BRD10: variants seen among roughly 807,000 people sequenced by gnomAD.
BRD10 encodes the protein uncharacterized bromodomain-containing protein 10.
the BRD10 span, among the ~76,000 whole-genome samples, chr9:5,941,090 G>C: frequency 2.0e-5 from 3 of 151,754 alleles, no homozygotes; most frequent in South Asian, 2.1e-4. Context: ...GAACATAAAG[G>C]GCATTAAACA....
the BRD10 span, among the ~76,000 whole-genome samples, chr9:6,003,301 C>T: frequency 6.6e-6 from 1 of 152,170 alleles, no homozygotes; most frequent in Non-Finnish European, 1.5e-5. Context: ...TGGCAATATT[C>T]TTAAAGTTTT....
the BRD10 span, among the ~76,000 whole-genome samples, chr9:5,953,767 C>A: frequency 6.6e-6 from 1 of 151,278 alleles, no homozygotes; most frequent in African/African-American, 2.4e-5. Flanking sequence ...AGGAAATGTA[C>A]TAGTAGAGAT....
chr9:5,957,376 A>G, the BRD10 span, among the ~76,000 whole-genome samples: 4 of 152,166 alleles, frequency 2.6e-5, no homozygotes, highest in African/African-American at 9.7e-5. Flanking sequence ...GTTACCATTT[A>G]TTGATTCCTA....
At chr9:6,005,972 G>C in the BRD10 span, among the ~76,000 whole-genome samples, 2 of 152,144 alleles carry the variant, frequency 1.3e-5, no homozygotes, top group Admixed American at 1.3e-4. Flanking sequence ...AAAAATCACC[G>C]TTAGTCTTGA....
the BRD10 span, among the ~76,000 whole-genome samples, chr9:5,993,558 C>G: frequency 1.3e-5 from 2 of 152,110 alleles, no homozygotes; most frequent in African/African-American, 4.8e-5. Context: ...AACTATTTTA[C>G]CACTCTAAGC....
the BRD10 span, among the ~76,000 whole-genome samples, chr9:5,896,225 G>A: frequency 6.6e-6 from 1 of 152,200 alleles, no homozygotes; most frequent in Non-Finnish European, 1.5e-5. Flanking sequence ...TCCTAACTCC[G>A]AGGACTGTGG....
chr9:5,948,088 T>C, the BRD10 span, among the ~76,000 whole-genome samples: 1 of 152,178 alleles, frequency 6.6e-6, no homozygotes, highest in African/African-American at 2.4e-5. Flanking sequence ...CTCCCTCAAG[T>C]TAACCTTTCA....
the BRD10 span, among the ~76,000 whole-genome samples, chr9:5,926,466 C>A: frequency 6.6e-6 from 1 of 152,176 alleles, no homozygotes; most frequent in African/African-American, 2.4e-5. Context: ...CACCACCATA[C>A]CTGGCTAATG....
At chr9:5,908,685 T>C in the BRD10 span, 1 of 1,614,134 alleles carries the variant, frequency 6.2e-7, no homozygotes, top group East Asian at 2.2e-5. Context: ...TGCAGAACAG[T>C]CACCACCACC....
chr9:5,883,079 A>C, the BRD10 span, among the ~76,000 whole-genome samples: 4 of 152,154 alleles, frequency 2.6e-5, no homozygotes, highest in African/African-American at 9.7e-5. Context: ...TAATGGGTGC[A>C]GCACACCAAC....
chr9:5,901,127 G>A, the BRD10 span, among the ~76,000 whole-genome samples: 1 of 151,618 alleles, frequency 6.6e-6, no homozygotes, highest in African/African-American at 2.4e-5. Flanking sequence ...GTGAGTGAGA[G>A]GCTTAAAAAA....
At chr9:5,991,451 A>G in the BRD10 span, among the ~76,000 whole-genome samples, 1 of 152,138 alleles carries the variant, frequency 6.6e-6, no homozygotes, top group Admixed American at 6.6e-5. Context: ...GGCCGCGTGC[A>G]GTCACTCACG....
the BRD10 span, chr9:5,919,570 AC>A: frequency 1.2e-6 from 1 of 865,036 alleles, no homozygotes; most frequent in Non-Finnish European, 1.8e-6. Context: ...ACACACACAC[AC>A]ACACACACAC....
chr9:5,895,685 A>G, the BRD10 span, among the ~76,000 whole-genome samples: 1 of 152,336 alleles, frequency 6.6e-6, no homozygotes, highest in South Asian at 2.1e-4. Flanking sequence ...GCCACCTAAG[A>G]GGCTGATTGG....
chr9:5,924,736 A>G, the BRD10 span: 1 of 1,606,660 alleles, frequency 6.2e-7, no homozygotes, highest in South Asian at 1.1e-5. Context: ...CCCTTAGGAG[A>G]GTCTTTTCCA....
chr9:5,981,244 C>A, the BRD10 span, among the ~76,000 whole-genome samples: 5 of 152,212 alleles, frequency 3.3e-5, no homozygotes, highest in Admixed American at 1.3e-4. Flanking sequence ...CCCTGGCTCT[C>A]TCCTCATGAG....
the BRD10 span, chr9:5,933,858 A>G: frequency 3.9e-4 from 183 of 470,634 alleles, 2 homozygotes; most frequent in East Asian, 0.012. Context: ...TTGGCAATCT[A>G]CTGATGCTGG....
At chr9:5,951,432 T>G in the BRD10 span, among the ~76,000 whole-genome samples, 3 of 152,132 alleles carry the variant, frequency 2.0e-5, no homozygotes, top group African/African-American at 4.8e-5. Flanking sequence ...GGTCAGGTTT[T>G]ACAAAAGGGA....
chr9:5,980,485 AGCATATACT>A, the BRD10 span, among the ~76,000 whole-genome samples: 4 of 152,366 alleles, frequency 2.6e-5, no homozygotes, highest in East Asian at 7.7e-4. Context: ...TTATTTTGAT[AGCATATACT>A]GCACAAGGAA....
Sources: allele counts gnomAD v4.1 joint callset (sites outside exome capture counted in the v4.1 genomes callset), GRCh38; gene constraint gnomAD v4.1.1; transcripts MANE v1.5; gene names NCBI Gene and HGNC (gene_info 2026-07-23, HGNC 2026-07-21).